The following MAP2 variants were observed in gnomAD, a reference collection of about 807,000 sequenced individuals.
MAP2 encodes microtubule-associated protein 2.
In MAP2, 14 loss-of-function variants were observed where a neutral mutation model predicts 137.6. The observed-to-expected ratio is 0.10, with a 90% CI of 0.07 to 0.16. The LOEUF (loss-of-function observed/expected upper bound fraction) is 0.16. Among genes scored for constraint, MAP2 ranks in the 10% least tolerant of loss-of-function variants. MAP2 has a pLI of 1.00. For synonymous variants in MAP2, 786 were observed against 782.3 expected (o/e 1.00, Z -0.08); for missense variants, 2,088 against 2,191.5 (o/e 0.95, Z 0.94).
At chr2:209,486,508 C>T (rs911919463) in intron 1 of MAP2, among the ~76,000 whole-genome samples, 3 of 152,110 alleles carry the variant, frequency 2.0e-5, no homozygotes, top group Non-Finnish European at 4.4e-5. Flanking sequence ...GGGCATGAGC[C>T]GCCACACCCA....
chr2:209,435,940 A>ATATATACTATATATACAGTATATAT lies in MAP2; in HGVS notation c.-222+11671_-222+11695dup, dbSNP rs1226574549. Reference sequence around the variant, plus strand: ...GCCAAATATATATATTATATATATAATATATACTATATATACAGTATATAT... The same window carrying ATATATACTATATATACAGTATATAT: ...GCCAAATATATATATTATATATATAATATATACTATATATACAGTATATATTATATACTATATATACAGTATATAT... On this transcript the variant is annotated intron_variant, in intron 1 of 15. Coordinates refer to ENST00000682079, the MANE Select transcript of MAP2 (RefSeq NM_001375505.1). Among the ~76,000 whole-genome samples the ATATATACTATATATACAGTATATAT allele has an allele frequency of 5.2e-4, 72 of 138,638 alleles. 1 individual carries two copies. The East Asian group carries it at 6.2e-3, about 12-fold the overall frequency. 91.0% of individuals were successfully genotyped at this position (138,638 alleles called of 152,430 possible).
chr2:209,648,621 C>CAAA lies in MAP2; in HGVS notation c.-29-4502_-29-4500dup, dbSNP rs1228232293. 1.6e-3 allele frequency among the ~76,000 whole-genome samples: 81 copies of CAAA among 51,016 alleles called. 1 individual carries two copies. Among genetic ancestry groups the CAAA allele is most frequent in the African/African-American group, 3.9e-3 (70 of 17,752 alleles). The allele number at this position is 51,016 out of a possible 152,430, so 33.5% of individuals were successfully genotyped here. A position where few individuals can be genotyped will look rare whatever the true frequency, so the allele number is the denominator to read the frequency against. ...TGAAACCCCTTCTCTACTAAAAATA[C>CAAA]AAAAAAAAAAAAAAAAAAAAAGCCA... On this transcript the variant is annotated intron_variant, in intron 4 of 15. Transcript: ENST00000682079.
chr2:209,445,875 A>G (rs982319740), intron 1 of MAP2, among the ~76,000 whole-genome samples: 5 of 151,736 alleles, frequency 3.3e-5, no homozygotes, highest in Non-Finnish European at 5.9e-5. Context: ...ACCATAAAAC[A>G]TACCATAACC....
chr2:209,658,399 G>T (rs1477385950), intron 5 of MAP2, among the ~76,000 whole-genome samples: 2 of 151,834 alleles, frequency 1.3e-5, no homozygotes, highest in Admixed American at 6.6e-5. Flanking sequence ...CAAAAACAGG[G>T]ATGTGCAAAC....
chr2:209,545,539 G>T (rs564064775), intron 2 of MAP2, among the ~76,000 whole-genome samples: 1 of 152,222 alleles, frequency 6.6e-6, no homozygotes, highest in South Asian at 2.1e-4. Flanking sequence ...AAGTCATAAG[G>T]CTAGTGTCTT....
chr2:209,716,414 G>A (rs531831078), intron 13 of MAP2, among the ~76,000 whole-genome samples: 2 of 152,200 alleles, frequency 1.3e-5, no homozygotes, highest in Non-Finnish European at 2.9e-5. Context: ...AACTTTCCAT[G>A]TTTGTCTAAA....
intron 2 of MAP2, among the ~76,000 whole-genome samples, chr2:209,517,141 C>T (rs981872202): frequency 3.3e-5 from 5 of 152,068 alleles, no homozygotes; most frequent in East Asian, 1.9e-4. Context: ...CTCCCTCTTC[C>T]GCCATACCTG....
intron 1 of MAP2, among the ~76,000 whole-genome samples, chr2:209,441,891 C>T (rs528318705): frequency 7.3e-5 from 11 of 151,526 alleles, no homozygotes; most frequent in Admixed American, 2.0e-4. Flanking sequence ...ACTACAGTGC[C>T]GGCATGAGTT....
chr2:209,557,106 T>C (rs1330770382), intron 2 of MAP2, among the ~76,000 whole-genome samples: 1 of 152,186 alleles, frequency 6.6e-6, no homozygotes, highest in Non-Finnish European at 1.5e-5. Flanking sequence ...TAAGTAATAC[T>C]CAGTAGGCTC....
At chr2:209,566,404 C>T (rs1193597369) in intron 2 of MAP2, among the ~76,000 whole-genome samples, 1 of 152,196 alleles carries the variant, frequency 6.6e-6, no homozygotes, top group Non-Finnish European at 1.5e-5. Flanking sequence ...TCAGACCCAG[C>T]TGGGCATTCA....
chr2:209,720,528 A>G (rs13407717), intron 13 of MAP2, among the ~76,000 whole-genome samples: 1,759 of 151,082 alleles, frequency 0.012, 31 homozygotes, highest in African/African-American at 0.041. Context: ...AGTCCCAGCT[A>G]CTCAGGAAGC....
At chr2:209,639,585 A>G (rs942660148) in intron 4 of MAP2, among the ~76,000 whole-genome samples, 1 of 151,982 alleles carries the variant, frequency 6.6e-6, no homozygotes, top group Non-Finnish European at 1.5e-5. Context: ...ACCAAGCTCG[A>G]GTGTACCATT....
At chr2:209,604,947 G>A (rs1008957191) in intron 3 of MAP2, among the ~76,000 whole-genome samples, 1 of 152,096 alleles carries the variant, frequency 6.6e-6, no homozygotes, top group Non-Finnish European at 1.5e-5. Flanking sequence ...AACAAAGCCT[G>A]ATGGTTATGG....
chr2:209,691,129 A>T (rs993881116), intron 7 of MAP2, among the ~76,000 whole-genome samples: 14 of 148,586 alleles, frequency 9.4e-5, no homozygotes, highest in Admixed American at 2.0e-4. Flanking sequence ...TTTTTATTTT[A>T]TTTTTTTACC....
intron 1 of MAP2, among the ~76,000 whole-genome samples, chr2:209,481,005 T>G (rs1708614857): frequency 6.6e-6 from 1 of 152,170 alleles, no homozygotes; most frequent in Admixed American, 6.5e-5. Context: ...ACCAGTACCT[T>G]CGAGGTTACA....
chr2:209,467,255 G>A (rs575995494), intron 1 of MAP2, among the ~76,000 whole-genome samples: 195 of 152,052 alleles, frequency 1.3e-3, no homozygotes, highest in African/African-American at 4.4e-3. Context: ...CTTTCCTGGG[G>A]TATTTCTGTT....
chr2:209,695,278 A>G lies in MAP2; in HGVS notation c.3108A>G (p.Gln1036=), dbSNP rs781042374. The G allele has an allele frequency of 1.8e-5, 29 of 1,613,838 alleles. No individual in the cohort carries two copies. The Admixed American group carries it at 4.7e-4, about 26-fold the overall frequency. ...TAGAACCATCCAAAAAGGTGGAACA[A>G]GGTCTGGATTTTGCTGTCCAGGGTC... ...AEVEPSKKVE[Q]GLDFAVQGQL... Residue 1036 remains glutamine, a synonymous_variant, in exon 8 of 16, where the codon CAA becomes CAG. Coordinates refer to ENST00000682079, the MANE Select transcript of MAP2 (RefSeq NM_001375505.1).
chr2:209,515,251 G>GT (rs1326561479), intron 2 of MAP2, among the ~76,000 whole-genome samples: 1 of 151,930 alleles, frequency 6.6e-6, no homozygotes, highest in Non-Finnish European at 1.5e-5. Context: ...TTTATCTAAA[G>GT]TTTTATACCT....
chr2:209,557,307 A>C (rs374598808), intron 2 of MAP2, among the ~76,000 whole-genome samples: 9 of 152,212 alleles, frequency 5.9e-5, no homozygotes, highest in African/African-American at 2.2e-4. Context: ...TTAGTCCAGT[A>C]TGTGAGTCTC....
Sources: allele counts gnomAD v4.1 joint callset (sites outside exome capture counted in the v4.1 genomes callset), GRCh38; gene constraint gnomAD v4.1.1; transcripts MANE v1.5; gene names NCBI Gene and HGNC (gene_info 2026-07-23, HGNC 2026-07-21).